CREB5: variants seen among roughly 807,000 people sequenced by gnomAD.
The protein encoded by CREB5 is cAMP responsive element binding protein 5.
In CREB5, 19 loss-of-function variants were observed where a neutral mutation model predicts 57.1. The ratio of observed to expected loss-of-function variants is 0.33; its 90% CI spans 0.23 to 0.49. The LOEUF is 0.49. Among genes scored for constraint, CREB5 ranks in the 20% least tolerant of loss-of-function variants. CREB5 has a pLI of 0.99. For synonymous variants in CREB5, 238 were observed against 238.3 expected, an observed-to-expected ratio of 1.00 and a Z score of 0.01; for missense variants, 579 against 671.6, an observed-to-expected ratio of 0.86 and a Z score of 1.52.
intron 5 of CREB5, among the ~76,000 whole-genome samples, chr7:28,647,881 G>A (rs555392880): frequency 1.3e-5 from 2 of 152,044 alleles, no homozygotes; most frequent in Non-Finnish European, 2.9e-5. Flanking sequence ...GGGAGTTCAA[G>A]ACCAACCAGG....
At chr7:28,344,463 G>A (rs1241119130) in intron 1 of CREB5, among the ~76,000 whole-genome samples, 1 of 152,158 alleles carries the variant, frequency 6.6e-6, no homozygotes, top group Non-Finnish European at 1.5e-5. Context: ...GGCTGTAAAT[G>A]TATGGATTTA....
chr7:28,388,123 A>G (rs1421756692), intron 1 of CREB5, among the ~76,000 whole-genome samples: 3 of 152,176 alleles, frequency 2.0e-5, no homozygotes, highest in African/African-American at 7.2e-5. Context: ...ATCTACATCT[A>G]CTTCTGCCAG....
At chr7:28,483,370 G>T (rs894944835) in intron 1 of CREB5, among the ~76,000 whole-genome samples, 3 of 152,236 alleles carry the variant, frequency 2.0e-5, no homozygotes, top group Admixed American at 6.5e-5. Flanking sequence ...GCAGTCGAGG[G>T]TTTGAATTGT....
intron 5 of CREB5, among the ~76,000 whole-genome samples, chr7:28,669,935 C>G (rs1408731550): frequency 6.6e-6 from 1 of 152,236 alleles, no homozygotes; most frequent in Non-Finnish European, 1.5e-5. Context: ...CTACCTTGGG[C>G]TTCTCTTCTT....
chr7:28,755,672 A>G (rs1261519587), intron 7 of CREB5, among the ~76,000 whole-genome samples: 2 of 152,210 alleles, frequency 1.3e-5, no homozygotes, highest in African/African-American at 2.4e-5. Context: ...TAAGCTAGGA[A>G]TATTACAGTT....
At chr7:28,753,904 G>A (rs1177523695) in intron 7 of CREB5, among the ~76,000 whole-genome samples, 1 of 151,450 alleles carries the variant, frequency 6.6e-6, no homozygotes, top group Non-Finnish European at 1.5e-5. Context: ...AACCCTACCA[G>A]GGATACAGTT....
intron 7 of CREB5, among the ~76,000 whole-genome samples, chr7:28,760,991 T>C (rs1369507264): frequency 2.0e-5 from 3 of 152,198 alleles, no homozygotes; most frequent in African/African-American, 7.2e-5. Flanking sequence ...GCGTAGCACA[T>C]ATAGGAGGCT....
intron 1 of CREB5, among the ~76,000 whole-genome samples, chr7:28,445,085 T>C (rs1169123687): frequency 1.3e-5 from 2 of 152,208 alleles, no homozygotes; most frequent in African/African-American, 4.8e-5. Flanking sequence ...TCACGAGAAC[T>C]GATGGTTTTA....
chr7:28,699,059 T>TG (rs933180005), intron 5 of CREB5, among the ~76,000 whole-genome samples: 1 of 152,174 alleles, frequency 6.6e-6, no homozygotes, highest in African/African-American at 2.4e-5. Context: ...AGCCATGGGC[T>TG]GGGCCATTTG....
chr7:28,482,036 T>C (rs995601550), intron 1 of CREB5, among the ~76,000 whole-genome samples: 3 of 152,252 alleles, frequency 2.0e-5, no homozygotes, highest in Non-Finnish European at 4.4e-5. Context: ...GACTTACTTT[T>C]CTCTTAATTT....
intron 2 of CREB5, 77 bp from the exon 3 acceptor site, chr7:28,494,829 C>A: frequency 1.2e-6 from 1 of 848,080 alleles, no homozygotes; most frequent in Non-Finnish European, 1.7e-6. Context: ...AAGTCTTTTT[C>A]TCAATAATGG....
At chr7:28,464,533 GTGTGT>G (rs1790482101) in intron 1 of CREB5, among the ~76,000 whole-genome samples, 1 of 149,638 alleles carries the variant, frequency 6.7e-6, no homozygotes, top group Non-Finnish European at 1.5e-5. Flanking sequence ...GTGTGTGTGT[GTGTGT>G]TACTAATGCA....
chr7:28,372,187 T>C (rs559918621), intron 1 of CREB5, among the ~76,000 whole-genome samples: 68 of 152,284 alleles, frequency 4.5e-4, no homozygotes, highest in Non-Finnish European at 8.5e-4. Flanking sequence ...TGATTGATGA[T>C]TTAAAGAGGG....
intron 1 of CREB5, among the ~76,000 whole-genome samples, chr7:28,458,951 G>A (rs867241772): frequency 6.6e-6 from 1 of 152,186 alleles, no homozygotes; most frequent in Non-Finnish European, 1.5e-5. Context: ...GGCCTGTATT[G>A]CTCCCTGAGT....
At position 28,821,162 on chromosome 7, in the gene CREB5, A is replaced by C. The variant is rs1349163575; in HGVS notation, c.*1883A>C. On this transcript the variant is annotated 3_prime_UTR_variant, in exon 11 of 11. Transcript: ENST00000357727. ...TGTGTGTGTGTGTGTGTGTGTGTTCATGGGTTTTAAAAGAACAGTATTTTA... is the reference window on the plus strand; with the variant it reads ...TGTGTGTGTGTGTGTGTGTGTGTTCCTGGGTTTTAAAAGAACAGTATTTTA... 9.3e-6 allele frequency: 1 copy of C among 108,030 alleles called. No homozygotes were observed. The highest frequency in any genetic ancestry group is 2.1e-5 in the Non-Finnish European group (1 of 48,418). 6.7% of individuals were successfully genotyped at this position (108,030 alleles called of 1,614,324 possible).
At chr7:28,428,794 C>T (rs1788606657) in intron 1 of CREB5, among the ~76,000 whole-genome samples, 1 of 152,072 alleles carries the variant, frequency 6.6e-6, no homozygotes, top group Non-Finnish European at 1.5e-5. Context: ...TCAAATAGGC[C>T]AGCCTCATCT....
intron 3 of CREB5, among the ~76,000 whole-genome samples, chr7:28,496,505 G>C (rs1027771219): frequency 6.6e-6 from 1 of 152,114 alleles, no homozygotes; most frequent in African/African-American, 2.4e-5. Context: ...AGGGGAGGAA[G>C]GGCACAGGTG....
At chr7:28,514,615 T>C (rs1792865606) in intron 4 of CREB5, among the ~76,000 whole-genome samples, 1 of 152,154 alleles carries the variant, frequency 6.6e-6, no homozygotes, top group African/African-American at 2.4e-5. Context: ...CAGGATGGTC[T>C]CAATCTCGGA....
At chr7:28,695,765 C>T (rs1801524084) in intron 5 of CREB5, among the ~76,000 whole-genome samples, 1 of 152,156 alleles carries the variant, frequency 6.6e-6, no homozygotes, top group Non-Finnish European at 1.5e-5. Context: ...AACCAGCACC[C>T]ACCCACCTGC....
Sources: allele counts gnomAD v4.1 joint callset (sites outside exome capture counted in the v4.1 genomes callset), GRCh38; gene constraint gnomAD v4.1.1; transcripts MANE v1.5; gene names NCBI Gene and HGNC (gene_info 2026-07-23, HGNC 2026-07-21).